GALNT18: variants seen among roughly 807,000 people sequenced by gnomAD.
The protein encoded by GALNT18 is polypeptide N-acetylgalactosaminyltransferase 18.
A neutral mutation model predicts 69.5 loss-of-function variants in GALNT18; 44 were observed. The ratio of observed to expected loss-of-function variants is 0.63; its 90% CI spans 0.50 to 0.81. The LOEUF is 0.81. Among genes scored for constraint, GALNT18 ranks in the 40% least tolerant of loss-of-function variants. GALNT18 has a pLI of 0.00. For synonymous variants in GALNT18, 364 were observed against 318.2 expected (o/e 1.14, Z -1.53); for missense variants, 715 against 810.0 (o/e 0.88, Z 1.42).
chr11:11,300,334 G>A (rs1033534313), intron 9 of GALNT18, among the ~76,000 whole-genome samples: 1 of 152,208 alleles, frequency 6.6e-6, no homozygotes, highest in African/African-American at 2.4e-5. Flanking sequence ...TGGGCCTAGA[G>A]AGTGGTGAGG....
chr11:11,286,055 T>C (rs1306436172), intron 10 of GALNT18, among the ~76,000 whole-genome samples: 1 of 152,170 alleles, frequency 6.6e-6, no homozygotes, highest in Non-Finnish European at 1.5e-5. Flanking sequence ...GCATCAGCGC[T>C]GCTCTGAGAA....
chr11:11,545,166 T>G (rs573671772), intron 1 of GALNT18, among the ~76,000 whole-genome samples: 3 of 152,356 alleles, frequency 2.0e-5, no homozygotes, highest in Non-Finnish European at 1.5e-5. Context: ...TTCACATGAA[T>G]AGCAGGCCTC....
At chr11:11,355,981 T>C (rs1419263027) in intron 6 of GALNT18, among the ~76,000 whole-genome samples, 7 of 152,364 alleles carry the variant, frequency 4.6e-5, no homozygotes, top group Non-Finnish European at 1.0e-4. Flanking sequence ...CTTTGTTTTA[T>C]AGAAAAACTT....
At chr11:11,343,683 A>G (rs1210707837) in intron 6 of GALNT18, among the ~76,000 whole-genome samples, 1 of 152,206 alleles carries the variant, frequency 6.6e-6, no homozygotes, top group Non-Finnish European at 1.5e-5. Flanking sequence ...GACAACACAA[A>G]GAGTCAGGGT....
In GALNT18 at chr11:11,618,268, C is replaced by CT. The variant is rs1219861968; in HGVS notation, c.235+3090dup. 1.3e-5 allele frequency among the ~76,000 whole-genome samples: 2 copies of CT among 152,132 alleles called. No homozygotes were observed. The highest frequency in any genetic ancestry group is 2.9e-5 in the Non-Finnish European group (2 of 68,016). On this transcript the variant is annotated intron_variant, in intron 1 of 10. Transcript: ENST00000227756. This position sits in a 1 kb window ranked among gnomAD's most constrained non-coding sequence, Gnocchi z 6.1. The stretch of plus-strand genomic sequence containing the variant: ...TGGACAAGACTCCAAAGCAAAACAC[C>CT]TTTTTTGGAGAGTGGTAACACTTTC...
intron 1 of GALNT18, among the ~76,000 whole-genome samples, chr11:11,528,044 C>T (rs374262900): frequency 6.6e-6 from 1 of 152,182 alleles, no homozygotes; most frequent in Admixed American, 6.5e-5. Context: ...CTGTGATTAC[C>T]CCCATTTTAC....
Position 11,371,251 on chromosome 11 carries a change from C to A in GALNT18, c.1092+1264G>T, listed in dbSNP as rs182591759. Among the ~76,000 whole-genome samples, 7 of 152,322 alleles carry A rather than the reference C, an allele frequency of 4.6e-5. No homozygotes were observed. The South Asian group carries it at 6.2e-4, about 14-fold the overall frequency. ...CATTGCAGGCATTGTGAGATGCTCA[C>A]TGTGGGTGTCCAATCTCCCCTTTAG... On this transcript the variant is annotated intron_variant, in intron 6 of 10. Coordinates refer to ENST00000227756, the MANE Select transcript of GALNT18 (RefSeq NM_198516.3).
At chr11:11,574,442 A>G (rs978391187) in intron 1 of GALNT18, among the ~76,000 whole-genome samples, 28 of 152,204 alleles carry the variant, frequency 1.8e-4, no homozygotes, top group Admixed American at 1.3e-4. Context: ...ATCAAAACAT[A>G]AGAACCTCCC....
intron 6 of GALNT18, among the ~76,000 whole-genome samples, chr11:11,351,100 G>A (rs1028744511): frequency 5.9e-5 from 9 of 152,176 alleles, no homozygotes; most frequent in African/African-American, 2.2e-4. Flanking sequence ...GTGTCTGGAA[G>A]GTGACCGCTT....
intron 1 of GALNT18, among the ~76,000 whole-genome samples, chr11:11,514,304 C>T (rs1857222068): frequency 6.6e-6 from 1 of 152,190 alleles, no homozygotes; most frequent in South Asian, 2.1e-4. Flanking sequence ...CAGGGAAATC[C>T]CCTCTGAGTT....
chr11:11,454,354 A>C lies in GALNT18; in HGVS notation c.236-5418T>G, dbSNP rs1180026108. Reference sequence around the variant, plus strand: ...AAGCAATCTCCACTGCTCTCCCAGGACTCCTCTGTAAATCTCTTATACCAG... The same window carrying C: ...AAGCAATCTCCACTGCTCTCCCAGGCCTCCTCTGTAAATCTCTTATACCAG... On this transcript the variant is annotated intron_variant, in intron 1 of 10. Transcript: ENST00000227756. The surrounding 1 kb of genome is among the most constrained non-coding windows in gnomAD (Gnocchi z 4.2). Among the ~76,000 whole-genome samples the C allele has an allele frequency of 1.3e-5, 2 of 151,842 alleles. No homozygotes were observed. Among genetic ancestry groups the C allele is most frequent in the Non-Finnish European group, 1.5e-5 (1 of 67,982 alleles).
At chr11:11,351,017 G>T (rs781211602) in intron 6 of GALNT18, among the ~76,000 whole-genome samples, 1 of 152,156 alleles carries the variant, frequency 6.6e-6, no homozygotes, top group Non-Finnish European at 1.5e-5. Context: ...GTCCCTGCAG[G>T]CACCAGTTTC....
At chr11:11,530,377 A>G (rs1339042561) in intron 1 of GALNT18, among the ~76,000 whole-genome samples, 2 of 152,158 alleles carry the variant, frequency 1.3e-5, no homozygotes, top group East Asian at 3.9e-4. Flanking sequence ...AGACACCTTC[A>G]AGCTGTGGGT....
Position 11,505,567 on chromosome 11 carries a change from T to C in GALNT18, c.236-56631A>G, listed in dbSNP as rs558097800. On this transcript the variant is annotated intron_variant, in intron 1 of 10. Transcript: ENST00000227756. This position sits in a 1 kb window ranked among gnomAD's most constrained non-coding sequence, Gnocchi z 4.6. ...TTGCATATTACAGCTTCCATTGCCT[T>C]ACCACCTCCTCCCCCATCAATGCCA... Among the ~76,000 whole-genome samples the C allele has an allele frequency of 3.3e-5, 5 of 152,254 alleles. No individual in the cohort carries two copies. The South Asian group carries it at 1.0e-3, about 32-fold the overall frequency.
At chr11:11,381,917 G>C (rs1175272981) in intron 3 of GALNT18, among the ~76,000 whole-genome samples, 1 of 152,194 alleles carries the variant, frequency 6.6e-6, no homozygotes, top group Non-Finnish European at 1.5e-5. Flanking sequence ...TATACACAAT[G>C]GCTGTAATAA....
intron 3 of GALNT18, among the ~76,000 whole-genome samples, chr11:11,411,764 A>G (rs1008369927): frequency 3.9e-5 from 6 of 152,200 alleles, no homozygotes; most frequent in African/African-American, 1.4e-4. Context: ...CAAGTGAGGG[A>G]AGCAAGTCAG....
At chr11:11,285,872 CATCAAATT>C (rs778167863) in intron 10 of GALNT18, among the ~76,000 whole-genome samples, 30 of 152,316 alleles carry the variant, frequency 2.0e-4, no homozygotes, top group Non-Finnish European at 3.5e-4. Context: ...ACTCATCTTG[CATCAAATT>C]ATCAAATTAG....
At chr11:11,331,794 T>C (rs750267) in intron 8 of GALNT18, among the ~76,000 whole-genome samples, 54,360 of 151,914 alleles carry the variant, frequency 0.36, 10,366 homozygotes, top group Admixed American at 0.46. Flanking sequence ...TGGGGGTTTG[T>C]CATGGCAAAA....
Position 11,555,606 on chromosome 11 carries a change from T to C in GALNT18, c.235+65753A>G, listed in dbSNP as rs1858315575. Reference sequence around the variant, plus strand: ...TCCTGTTGTTTTAAGCCACCCACTTTATTACAGAACCCTAGGAAATTGAAA... The same window carrying C: ...TCCTGTTGTTTTAAGCCACCCACTTCATTACAGAACCCTAGGAAATTGAAA... On this transcript the variant is annotated intron_variant, in intron 1 of 10. Transcript: ENST00000227756. The surrounding 1 kb of genome is among the most constrained non-coding windows in gnomAD (Gnocchi z 4.7). Among the ~76,000 whole-genome samples, 1 of 152,212 alleles carries C rather than the reference T, an allele frequency of 6.6e-6. No individual in the cohort carries two copies. The highest frequency in any genetic ancestry group is 2.4e-5 in the African/African-American group (1 of 41,464).
Sources: allele counts gnomAD v4.1 joint callset (sites outside exome capture counted in the v4.1 genomes callset), GRCh38; gene constraint gnomAD v4.1.1; non-coding constraint Gnocchi (gnomAD v3.1); transcripts MANE v1.5; gene names NCBI Gene and HGNC (gene_info 2026-07-23, HGNC 2026-07-21).